The following AKAP6 variants were observed in gnomAD, a reference collection of about 807,000 sequenced individuals.
AKAP6 encodes A-kinase anchoring protein 6, also known as A-kinase anchor protein 6.
A neutral mutation model predicts 188.5 loss-of-function variants in AKAP6; 58 were observed. The observed-to-expected ratio is 0.31, with a 90% CI of 0.25 to 0.38. The LOEUF is 0.38. Among genes scored for constraint, AKAP6 ranks in the 10% least tolerant of loss-of-function variants. The probability of loss-of-function intolerance (pLI) is 1.00; values close to 1 mark genes in which losing one functional copy is unlikely to be tolerated. For synonymous variants in AKAP6, 989 were observed against 998.6 expected (o/e 0.99, Z 0.18); for missense variants, 2,710 against 2,740.0 (o/e 0.99, Z 0.24).
chr14:32,806,504 C>T (rs945746017), intron 12 of AKAP6, among the ~76,000 whole-genome samples: 1 of 152,042 alleles, frequency 6.6e-6, no homozygotes, highest in African/African-American at 2.4e-5. Flanking sequence ...TGGCAAAACC[C>T]CTTCTCTACT....
chr14:32,607,327 C>T (rs1308957845), intron 7 of AKAP6, among the ~76,000 whole-genome samples: 1 of 152,176 alleles, frequency 6.6e-6, no homozygotes, highest in Non-Finnish European at 1.5e-5. Context: ...ATTTATGTGT[C>T]GTCAGTCCCA....
chr14:32,475,116 G>T (rs1442903086), intron 2 of AKAP6, among the ~76,000 whole-genome samples: 2 of 152,186 alleles, frequency 1.3e-5, no homozygotes, highest in African/African-American at 4.8e-5. Flanking sequence ...ATGGTTTATG[G>T]ATGTATAATA....
intron 1 of AKAP6, among the ~76,000 whole-genome samples, chr14:32,427,596 G>T (rs954116579): frequency 6.6e-6 from 1 of 152,136 alleles, no homozygotes; most frequent in Non-Finnish European, 1.5e-5. Context: ...TATTAAATTT[G>T]TTTTTGTGTT....
At chr14:32,558,309 G>A (rs1015055982) in intron 4 of AKAP6, among the ~76,000 whole-genome samples, 3 of 152,212 alleles carry the variant, frequency 2.0e-5, no homozygotes, top group Non-Finnish European at 4.4e-5. Context: ...GGTCCTGGAT[G>A]TAGTACTTGA....
intron 2 of AKAP6, among the ~76,000 whole-genome samples, chr14:32,434,938 G>T (rs950844193): frequency 1.3e-5 from 2 of 152,126 alleles, no homozygotes; most frequent in African/African-American, 4.8e-5. Flanking sequence ...GGTTGAGCAG[G>T]TCTAGTGTCT....
chr14:32,804,113 C>G (rs1295457292), intron 12 of AKAP6, among the ~76,000 whole-genome samples: 1 of 152,180 alleles, frequency 6.6e-6, no homozygotes, highest in Non-Finnish European at 1.5e-5. Flanking sequence ...TTGCTTGGCA[C>G]AAAGAAAGTA....
intron 12 of AKAP6, among the ~76,000 whole-genome samples, chr14:32,780,118 G>A (rs2033194619): frequency 8.0e-6 from 1 of 125,220 alleles, no homozygotes; most frequent in Admixed American, 7.9e-5. Context: ...CAACTGAAGT[G>A]TCCATTAGAT....
At chr14:32,670,510 G>C (rs1594831097) in intron 7 of AKAP6, among the ~76,000 whole-genome samples, 1 of 152,136 alleles carries the variant, frequency 6.6e-6, no homozygotes, top group East Asian at 1.9e-4. Context: ...CAGGTGCTTA[G>C]ATATACTGCA....
intron 2 of AKAP6, among the ~76,000 whole-genome samples, chr14:32,510,382 ATATATATATGTGTATATATATG>A (rs1881125437): frequency 1.8e-5 from 2 of 109,690 alleles, no homozygotes; most frequent in African/African-American, 7.8e-5. Context: ...ATATATGTGT[ATATATATATGTGTATATATATG>A]TATATATATG....
intron 1 of AKAP6, among the ~76,000 whole-genome samples, chr14:32,352,904 G>A (rs1213517636): frequency 6.6e-6 from 1 of 152,046 alleles, no homozygotes. Flanking sequence ...CATTTCCTTT[G>A]GATGAATACC....
At chr14:32,533,154 T>C (rs1424643797) in intron 2 of AKAP6, among the ~76,000 whole-genome samples, 1 of 152,158 alleles carries the variant, frequency 6.6e-6, no homozygotes, top group Non-Finnish European at 1.5e-5. Flanking sequence ...TTGTCAATAC[T>C]GACATTACCA....
intron 1 of AKAP6, among the ~76,000 whole-genome samples, chr14:32,416,482 CTT>C (rs567254530): frequency 3.3e-5 from 5 of 152,108 alleles, no homozygotes; most frequent in Admixed American, 1.3e-4. Flanking sequence ...TACAGGCTGT[CTT>C]TTTATTTTGT....
chr14:32,377,137 G>A (rs1015101826), intron 1 of AKAP6, among the ~76,000 whole-genome samples: 1 of 152,198 alleles, frequency 6.6e-6, no homozygotes, highest in African/African-American at 2.4e-5. Flanking sequence ...TTCCTAAGTG[G>A]TTCTGGTCTT....
intron 2 of AKAP6, among the ~76,000 whole-genome samples, chr14:32,486,830 C>T (rs1344742914): frequency 6.6e-6 from 1 of 152,150 alleles, no homozygotes. Context: ...CCTGATTGCC[C>T]TGGCCAGAAC....
intron 11 of AKAP6, among the ~76,000 whole-genome samples, chr14:32,767,557 G>T (rs753970471): frequency 4.1e-4 from 63 of 151,906 alleles, no homozygotes; most frequent in Admixed American, 1.0e-3. Flanking sequence ...AAGTACATTT[G>T]GATGGATAGA....
At chr14:32,329,821 G>T (rs939579869) in intron 1 of AKAP6, among the ~76,000 whole-genome samples, 2 of 152,016 alleles carry the variant, frequency 1.3e-5, no homozygotes, top group South Asian at 4.2e-4. Context: ...TCAGTGATTT[G>T]CAGTATGAAA....
chr14:32,494,900 G>A (rs984568338), intron 2 of AKAP6, among the ~76,000 whole-genome samples: 1 of 152,126 alleles, frequency 6.6e-6, no homozygotes, highest in Non-Finnish European at 1.5e-5. Context: ...GGGTGTTGAG[G>A]AAGCACTGCA....
intron 11 of AKAP6, among the ~76,000 whole-genome samples, chr14:32,754,362 T>C (rs561226815): frequency 1.3e-5 from 2 of 152,322 alleles, no homozygotes; most frequent in African/African-American, 4.8e-5. Context: ...ACAGCTTAAC[T>C]GTGACCACAT....
intron 4 of AKAP6, among the ~76,000 whole-genome samples, chr14:32,548,752 A>G (rs533517293): frequency 2.3e-4 from 35 of 152,278 alleles, no homozygotes; most frequent in African/African-American, 7.7e-4. Context: ...GTTTTCTTCT[A>G]TAGTATCATG....
Sources: allele counts gnomAD v4.1 joint callset (sites outside exome capture counted in the v4.1 genomes callset), GRCh38; gene constraint gnomAD v4.1.1; transcripts MANE v1.5; gene names NCBI Gene and HGNC (gene_info 2026-07-23, HGNC 2026-07-21).